AXDND1: variants seen among roughly 807,000 people sequenced by gnomAD.
AXDND1 encodes axonemal dynein light chain domain-containing protein 1.
AXDND1 carries 110 observed loss-of-function variants against 137.5 expected under a neutral mutation model. That is an observed-to-expected ratio of 0.80 (90% CI 0.69 to 0.94). AXDND1 has a LOEUF of 0.94. Ranked by LOEUF, AXDND1 falls within the 40% of genes least tolerant of loss-of-function variation. The pLI, the probability that AXDND1 is intolerant of heterozygous loss-of-function variation, is 0.00. For synonymous variants in AXDND1, 414 were observed against 399.7 expected (o/e 1.04, Z -0.43); for missense variants, 1,191 against 1,169.8 (o/e 1.02, Z -0.26).
At chr1:179,468,234 T>C (rs909220992) in intron 16 of AXDND1, among the ~76,000 whole-genome samples, 6 of 152,206 alleles carry the variant, frequency 3.9e-5, no homozygotes, top group Non-Finnish European at 5.9e-5. Context: ...AAATAATTTG[T>C]TAGTCATTAA....
rs763517480 is a variant in AXDND1, at chr1:179,369,957, G to A, written c.271-18G>A. On this transcript the variant is annotated intron_variant, in intron 3 of 25. Transcript: ENST00000367618. ...ATCGCCCTCTGCTGGATATTCATGT[G>A]TATTTGCTTTTTCCCAGGGCACTCT... 1.3e-6 allele frequency: 2 copies of A among 1,571,352 alleles called. No homozygotes were observed. The highest frequency in any genetic ancestry group is 1.8e-6 in the Non-Finnish European group (2 of 1,141,990).
intron 21 of AXDND1, among the ~76,000 whole-genome samples, chr1:179,520,683 G>A (rs1445862274): frequency 6.6e-6 from 1 of 151,598 alleles, no homozygotes; most frequent in Non-Finnish European, 1.5e-5. Context: ...TTATGATGCT[G>A]AATTGTATTA....
chr1:179,553,095 A>G (rs1050685315), intron 25 of AXDND1, among the ~76,000 whole-genome samples: 16 of 152,264 alleles, frequency 1.1e-4, no homozygotes, highest in Admixed American at 9.8e-4. Context: ...AAAGGGTACA[A>G]CTGACCAAAT....
At chr1:179,464,001 C>A (rs1264260758) in intron 16 of AXDND1, among the ~76,000 whole-genome samples, 1 of 152,112 alleles carries the variant, frequency 6.6e-6, no homozygotes, top group Admixed American at 6.6e-5. Flanking sequence ...TATTTTGAGC[C>A]TATGTGTGTC....
chr1:179,443,376 A>G (rs940168311), intron 15 of AXDND1, among the ~76,000 whole-genome samples: 1 of 152,184 alleles, frequency 6.6e-6, no homozygotes, highest in African/African-American at 2.4e-5. Flanking sequence ...AATTAATAAC[A>G]TCTTTTTTTA....
chr1:179,474,481 A>G (rs191581432), intron 17 of AXDND1, among the ~76,000 whole-genome samples: 1 of 152,322 alleles, frequency 6.6e-6, no homozygotes. Context: ...GATGTGGACA[A>G]TGAAGTCCAG....
At chr1:179,466,983 C>T (rs1571961595) in intron 16 of AXDND1, among the ~76,000 whole-genome samples, 1 of 152,006 alleles carries the variant, frequency 6.6e-6, no homozygotes, top group East Asian at 1.9e-4. Flanking sequence ...AATTAGGGGT[C>T]CCAATAGTAT....
chr1:179,437,923 G>T lies in AXDND1; in HGVS notation c.1563+5581G>T, dbSNP rs181094532. Among the ~76,000 whole-genome samples the T allele has an allele frequency of 5.3e-3, 803 of 152,226 alleles. 9 individuals carry two copies. The highest frequency in any genetic ancestry group is 0.019 in the African/African-American group (779 of 41,542). ...TCCCAGCACTTTGGGAGGCTGAGGT[G>T]GGTGGATCACCTCAGGTCAGGAGTT... On this transcript the variant is annotated intron_variant, in intron 15 of 25. Coordinates refer to ENST00000367618, the MANE Select transcript of AXDND1 (RefSeq NM_144696.6).
Position 179,407,446 on chromosome 1 carries a change from C to T in AXDND1, c.1110-3700C>T, listed in dbSNP as rs557715924. 9.9e-5 allele frequency among the ~76,000 whole-genome samples: 15 copies of T among 152,176 alleles called. No individual in the cohort carries two copies. In the South Asian group the frequency reaches 2.1e-3, roughly 21 times the overall value. ...TTCACCATGTTGGCCAGGATGGTCTCGATCTCCTGACCTCGTGATCTGCCT... is the reference window on the plus strand; with the variant it reads ...TTCACCATGTTGGCCAGGATGGTCTTGATCTCCTGACCTCGTGATCTGCCT... On this transcript the variant is annotated intron_variant, in intron 11 of 25. Transcript: ENST00000367618.
rs1338208099 is a variant in AXDND1, at chr1:179,448,446, GC to G, written c.1798+3244del. ...TGTATTTTCTTCTGCACCATTTTCAGCCACCTTTCCTTATTTCCTTATATTC... is the reference window on the plus strand; with the variant it reads ...TGTATTTTCTTCTGCACCATTTTCAGCACCTTTCCTTATTTCCTTATATTC... On this transcript the variant is annotated intron_variant, in intron 16 of 25. Coordinates refer to ENST00000367618, the MANE Select transcript of AXDND1 (RefSeq NM_144696.6). The G allele has an allele frequency of 2.1e-5, 11 of 526,454 alleles. No individual in the cohort carries two copies. The East Asian group carries it at 3.6e-4, about 17-fold the overall frequency. 32.6% of individuals were successfully genotyped at this position (526,454 alleles called of 1,614,324 possible).
In AXDND1 at chr1:179,479,725, C is replaced by T. The variant is rs372700114; in HGVS notation, c.1998-3403C>T. Among the ~76,000 whole-genome samples, 251 of 152,110 alleles carry T rather than the reference C, an allele frequency of 1.7e-3. 2 individuals carry two copies. Among genetic ancestry groups the T allele is most frequent in the Non-Finnish European group, 3.0e-3 (207 of 67,998 alleles). Reference sequence around the variant, plus strand: ...CTGGGAGGCAGTGCTTGCGGTGAGCCGAGATCGCACCACTGCACTTTAGCC... The same window carrying T: ...CTGGGAGGCAGTGCTTGCGGTGAGCTGAGATCGCACCACTGCACTTTAGCC... On this transcript the variant is annotated intron_variant, in intron 17 of 25. Coordinates refer to ENST00000367618, the MANE Select transcript of AXDND1 (RefSeq NM_144696.6).
rs200125774 is a variant in AXDND1 at position 179,393,992 on chromosome 1, G to A, written c.953G>A (p.Arg318His). The A allele has an allele frequency of 1.1e-5, 17 of 1,610,008 alleles. No individual in the cohort carries two copies. Among genetic ancestry groups the A allele is most frequent in the African/African-American group, 4.0e-5 (3 of 74,586 alleles). ...DLVTQRVMDQ[R>H]ILEELYNFKH... ...GTAACTCAGCGAGTGATGGACCAGC[G>A]CATTTTAGAAGAATTGTATAATTTC... Residue 318 changes from arginine to histidine, a missense_variant, in exon 10 of 26, where the codon CGC (arginine) becomes CAC (histidine). By Grantham distance (29) the Arg-to-His change is conservative (BLOSUM62 0). Transcript: ENST00000367618.
intron 16 of AXDND1, chr1:179,450,605 T>C (rs1440078747): frequency 6.6e-6 from 1 of 152,246 alleles, no homozygotes; most frequent in African/African-American, 2.4e-5. Context: ...TTTTGTCTTT[T>C]ATTCTATCAG....
chr1:179,455,895 AG>A (rs1472941244), intron 16 of AXDND1: 3 of 192,624 alleles, frequency 1.6e-5, no homozygotes, highest in African/African-American at 7.5e-5. Context: ...TTGTTTTTAA[AG>A]ACATTTATTC....
At chr1:179,505,573 G>A (rs991154073) in intron 20 of AXDND1, among the ~76,000 whole-genome samples, 4 of 151,794 alleles carry the variant, frequency 2.6e-5, no homozygotes, top group African/African-American at 7.3e-5. Flanking sequence ...CCTTGAACCC[G>A]GGAGGTAGAG....
chr1:179,438,389 A>C (rs1241565879), intron 15 of AXDND1, among the ~76,000 whole-genome samples: 4 of 152,172 alleles, frequency 2.6e-5, no homozygotes, highest in Non-Finnish European at 5.9e-5. Context: ...TACCACTTCA[A>C]TTTGTAACTC....
intron 23 of AXDND1, among the ~76,000 whole-genome samples, chr1:179,530,320 C>T (rs957730802): frequency 2.6e-5 from 4 of 152,138 alleles, no homozygotes; most frequent in Admixed American, 2.6e-4. Flanking sequence ...TGAGCCACCA[C>T]GCCCGGCCAA....
intron 11 of AXDND1, among the ~76,000 whole-genome samples, chr1:179,397,100 G>GT (rs1163512607): frequency 6.6e-6 from 1 of 152,138 alleles, no homozygotes; most frequent in African/African-American, 2.4e-5. Context: ...GTACTTATGT[G>GT]TTTTTTAATA....
chr1:179,370,423 G>A (rs535171003), intron 4 of AXDND1, among the ~76,000 whole-genome samples: 2 of 152,310 alleles, frequency 1.3e-5, no homozygotes, highest in South Asian at 4.1e-4. Flanking sequence ...CCTTTTATCT[G>A]TGTGTATGTC....
Sources: gnomAD v4.1 joint callset for allele counts (sites outside exome capture counted in the v4.1 genomes callset) on GRCh38, gnomAD v4.1.1 for gene constraint, MANE v1.5 for transcripts, NCBI Gene and HGNC (gene_info 2026-07-23, HGNC 2026-07-21) for gene names.